The following RNF6 variants were observed in gnomAD, a reference collection of about 807,000 sequenced individuals.
RNF6 encodes ring finger protein 6.
A neutral mutation model predicts 50.1 loss-of-function variants in RNF6; 21 were observed. The ratio of observed to expected loss-of-function variants is 0.42; its 90% confidence interval spans 0.30 to 0.60. RNF6 has a LOEUF of 0.60. Ranked by LOEUF, RNF6 falls within the 20% of genes least tolerant of loss-of-function variation. The pLI is 0.20. For synonymous variants in RNF6, 255 were observed against 291.8 expected, an observed-to-expected ratio of 0.87 and a Z score of 1.29; for missense variants, 698 against 838.2, an observed-to-expected ratio of 0.83 and a Z score of 2.07.
chr13:26,141,235 G>C (rs1306445190), intron 5 of RNF6, among the ~76,000 whole-genome samples: 2 of 152,008 alleles, frequency 1.3e-5, no homozygotes, highest in Non-Finnish European at 2.9e-5. Context: ...TTCAAGACCA[G>C]CCTGGCCAAC....
intron 5 of RNF6, among the ~76,000 whole-genome samples, chr13:26,134,617 C>T (rs1189053763): frequency 6.6e-6 from 1 of 151,998 alleles, no homozygotes; most frequent in African/African-American, 2.4e-5. Flanking sequence ...TCTATGGGTT[C>T]CAAGAACACT....
intron 3 of RNF6, among the ~76,000 whole-genome samples, chr13:26,218,987 T>C (rs570237362): frequency 8.6e-4 from 131 of 152,294 alleles, no homozygotes; most frequent in African/African-American, 3.0e-3. Context: ...CTTCATTATA[T>C]GGGTCATCAA....
intron 5 of RNF6, among the ~76,000 whole-genome samples, chr13:26,178,118 G>A (rs1319158749): frequency 6.6e-6 from 1 of 152,172 alleles, no homozygotes; most frequent in African/African-American, 2.4e-5. Flanking sequence ...GAACCTGGGA[G>A]GCAGAGGTTG....
intron 5 of RNF6, chr13:26,142,369 T>C (rs1208266257): frequency 6.6e-6 from 1 of 152,014 alleles, no homozygotes; most frequent in East Asian, 1.9e-4. Context: ...ACCCAGCAAT[T>C]CCATTACTAC....
At chr13:26,165,058 C>T (rs1593159861) in intron 5 of RNF6, among the ~76,000 whole-genome samples, 1 of 152,078 alleles carries the variant, frequency 6.6e-6, no homozygotes, top group Non-Finnish European at 1.5e-5. Context: ...AGCCTGGAGG[C>T]CTAGGAGGAA....
chr13:26,177,762 A>G (rs996207312), intron 5 of RNF6, among the ~76,000 whole-genome samples: 2 of 152,232 alleles, frequency 1.3e-5, no homozygotes, highest in African/African-American at 4.8e-5. Flanking sequence ...CTCTGCCAAA[A>G]GGCTACGGCA....
intron 5 of RNF6, among the ~76,000 whole-genome samples, chr13:26,152,866 A>G (rs1423795290): frequency 6.6e-6 from 1 of 152,128 alleles, no homozygotes; most frequent in Non-Finnish European, 1.5e-5. Flanking sequence ...TAAAAGATTA[A>G]AGATGTGGCC....
chr13:26,218,649 GTT>G, intron 3 of RNF6, 43 bp from the exon 4 acceptor site: 1 of 1,485,374 alleles, frequency 6.7e-7, no homozygotes, highest in Admixed American at 1.7e-5. Flanking sequence ...TCTGAATTAA[GTT>G]TTATGAGACC....
intron 5 of RNF6, among the ~76,000 whole-genome samples, chr13:26,166,290 G>A (rs7327585): frequency 0.011 from 1,612 of 152,244 alleles, 27 homozygotes; most frequent in African/African-American, 0.037. Flanking sequence ...TTTGTAAATT[G>A]CTCAGTCTCT....
At chr13:26,190,863 G>A (rs1279861621) in intron 5 of RNF6, among the ~76,000 whole-genome samples, 1 of 152,100 alleles carries the variant, frequency 6.6e-6, no homozygotes, top group Non-Finnish European at 1.5e-5. Context: ...TGGATTCATG[G>A]GTTCATCATC....
intron 5 of RNF6, among the ~76,000 whole-genome samples, chr13:26,196,048 G>C (rs1868646632): frequency 6.6e-6 from 1 of 152,120 alleles, no homozygotes; most frequent in African/African-American, 2.4e-5. Context: ...AAGATAAAAT[G>C]GCCAAAATTT....
At chr13:26,204,259 G>A (rs1024702447) in intron 5 of RNF6, among the ~76,000 whole-genome samples, 1 of 152,106 alleles carries the variant, frequency 6.6e-6, no homozygotes, top group Non-Finnish European at 1.5e-5. Flanking sequence ...ACTTTGGAAG[G>A]CCGAGGCGGG....
At chr13:26,165,409 G>C (rs986590193) in intron 5 of RNF6, among the ~76,000 whole-genome samples, 17 of 152,212 alleles carry the variant, frequency 1.1e-4, no homozygotes, top group African/African-American at 3.9e-4. Context: ...GTTGGAGCCT[G>C]CATAGGGAGT....
intron 5 of RNF6, among the ~76,000 whole-genome samples, chr13:26,139,109 C>T (rs1870799557): frequency 6.6e-6 from 1 of 152,148 alleles, no homozygotes. Flanking sequence ...CTAGCCAATG[C>T]TTACAGATAG....
intron 5 of RNF6, among the ~76,000 whole-genome samples, chr13:26,193,206 T>A (rs771727751): frequency 6.6e-6 from 1 of 152,042 alleles, no homozygotes; most frequent in Non-Finnish European, 1.5e-5. Flanking sequence ...TTGGGAGGAA[T>A]CAGCTTATAA....
At chr13:26,174,041 T>C (rs147222093) in intron 5 of RNF6, among the ~76,000 whole-genome samples, 1 of 152,082 alleles carries the variant, frequency 6.6e-6, no homozygotes, top group African/African-American at 2.4e-5. Flanking sequence ...AATATGAGTG[T>C]TTGTTGAATT....
chr13:26,137,438 A>G (rs747615127), intron 5 of RNF6, among the ~76,000 whole-genome samples: 46 of 152,216 alleles, frequency 3.0e-4, no homozygotes, highest in Non-Finnish European at 5.9e-4. Context: ...GAGACATGAA[A>G]AGATACAAGT....
chr13:26,196,657 A>AAATAAATAAATAAATG (rs1868678473), intron 5 of RNF6, among the ~76,000 whole-genome samples: 1 of 151,804 alleles, frequency 6.6e-6, no homozygotes, highest in African/African-American at 2.4e-5. Flanking sequence ...ATAAATAAAT[A>AAATAAATAAATAAATG]AATAAAACAT....
At chr13:26,186,198 A>G (rs1873514065) in intron 5 of RNF6, among the ~76,000 whole-genome samples, 1 of 152,248 alleles carries the variant, frequency 6.6e-6, no homozygotes, top group African/African-American at 2.4e-5. Context: ...CACACAACGC[A>G]GAGGAAAAGT....
Sources: allele counts gnomAD v4.1 joint callset (sites outside exome capture counted in the v4.1 genomes callset), GRCh38; gene constraint gnomAD v4.1.1; transcripts MANE v1.5; gene names NCBI Gene and HGNC (gene_info 2026-07-23, HGNC 2026-07-21).